The following SNX29 variants were observed in gnomAD, a reference collection of about 807,000 sequenced individuals.
The protein encoded by SNX29 is sorting nexin 29.
Under a neutral mutation model 102.1 loss-of-function variants are expected in SNX29, and 78 were observed. That is an observed-to-expected ratio of 0.76 (90% CI 0.64 to 0.92). The LOEUF (loss-of-function observed/expected upper bound fraction) is 0.92. Ranked by LOEUF, SNX29 falls within the 40% of genes least tolerant of loss-of-function variation. SNX29 has a pLI of 0.00. For synonymous variants in SNX29, 580 were observed against 414.5 expected (o/e 1.40, Z -4.85); for missense variants, 1,280 against 1,061.7 (o/e 1.21, Z -2.86).
At chr16:12,199,915 A>AT (rs1256048883) in intron 14 of SNX29, among the ~76,000 whole-genome samples, 1 of 152,214 alleles carries the variant, frequency 6.6e-6, no homozygotes, top group Non-Finnish European at 1.5e-5. Flanking sequence ...CAACAGTCTT[A>AT]TTGGTTTGTG....
chr16:12,467,994 C>T (rs1050871125), intron 18 of SNX29, among the ~76,000 whole-genome samples: 1 of 152,008 alleles, frequency 6.6e-6, no homozygotes, highest in South Asian at 2.1e-4. Context: ...CCTCTAACAT[C>T]CCGGACCGGG....
intron 15 of SNX29, among the ~76,000 whole-genome samples, chr16:12,284,792 T>C (rs2079541441): frequency 6.6e-6 from 1 of 151,706 alleles, no homozygotes; most frequent in Non-Finnish European, 1.5e-5. Context: ...TGGCACAATC[T>C]CAGCTCACTG....
intron 19 of SNX29, chr16:12,515,674 T>G: frequency 2.1e-6 from 1 of 478,368 alleles, no homozygotes; most frequent in Non-Finnish European, 4.2e-6. Context: ...CAGCACTCTT[T>G]ATGATGTATT....
intron 14 of SNX29, among the ~76,000 whole-genome samples, chr16:12,217,681 TC>T (rs1400446173): frequency 5.3e-5 from 8 of 152,294 alleles, no homozygotes; most frequent in African/African-American, 1.7e-4. Context: ...TCTAGGGTGT[TC>T]TTGGAGCATG....
At chr16:12,334,576 C>G (rs1288503825) in intron 15 of SNX29, among the ~76,000 whole-genome samples, 1 of 152,198 alleles carries the variant, frequency 6.6e-6, no homozygotes, top group Non-Finnish European at 1.5e-5. Context: ...AGATAAGAAT[C>G]TGGCATCCTG....
intron 15 of SNX29, 53 bp downstream of exon 15, chr16:12,278,089 G>A: frequency 6.7e-7 from 1 of 1,490,342 alleles, no homozygotes; most frequent in Non-Finnish European, 9.2e-7. Context: ...CTGCGTTGGA[G>A]ACTTTCCAGG....
rs146973543 is a variant in SNX29 at position 12,288,917 on chromosome 16, C to A, written c.1782+10881C>A. Among the ~76,000 whole-genome samples the A allele has an allele frequency of 5.5e-3, 836 of 152,292 alleles. 5 individuals carry two copies. Among genetic ancestry groups the A allele is most frequent in the Middle Eastern group, 0.01 (3 of 294 alleles). ...CCTGACTGACCCCAGAGTTGGTACTCTTCCCATCGCCCTCTGTGGCCTTCT... is the reference window on the plus strand; with the variant it reads ...CCTGACTGACCCCAGAGTTGGTACTATTCCCATCGCCCTCTGTGGCCTTCT... On this transcript the variant is annotated intron_variant, in intron 15 of 20. Transcript: ENST00000566228.
chr16:12,161,371 G>T (rs1350230594), intron 13 of SNX29, among the ~76,000 whole-genome samples: 2 of 152,302 alleles, frequency 1.3e-5, no homozygotes, highest in Admixed American at 1.3e-4. Flanking sequence ...GGCCCATGTG[G>T]TCACTGGGAA....
chr16:12,536,664 A>G (rs1244973994), intron 20 of SNX29, among the ~76,000 whole-genome samples: 1 of 152,162 alleles, frequency 6.6e-6, no homozygotes, highest in African/African-American at 2.4e-5. Context: ...CCTTAGATCC[A>G]GGGAAGAGCT....
chr16:12,028,579 G>C (rs1304381987), intron 4 of SNX29, among the ~76,000 whole-genome samples: 2 of 151,968 alleles, frequency 1.3e-5, no homozygotes, highest in African/African-American at 2.4e-5. Flanking sequence ...GGCCAGGCTG[G>C]TCTCAAACTC....
chr16:12,235,362 C>T (rs935103346), intron 14 of SNX29, among the ~76,000 whole-genome samples: 1 of 152,116 alleles, frequency 6.6e-6, no homozygotes, highest in Non-Finnish European at 1.5e-5. Context: ...ATGAGGCTGT[C>T]CCCTGGGCCT....
At chr16:12,266,251 C>A (rs544834376) in intron 14 of SNX29, among the ~76,000 whole-genome samples, 1 of 152,204 alleles carries the variant, frequency 6.6e-6, no homozygotes, top group Non-Finnish European at 1.5e-5. Flanking sequence ...TTTATACTCA[C>A]ACCGCTCTCA....
At chr16:12,056,411 AC>A (rs2050524185) in intron 8 of SNX29, among the ~76,000 whole-genome samples, 1 of 152,082 alleles carries the variant, frequency 6.6e-6, no homozygotes, top group Non-Finnish European at 1.5e-5. Flanking sequence ...ATCTTGACTG[AC>A]CCTTCCACAG....
intron 14 of SNX29, among the ~76,000 whole-genome samples, chr16:12,214,105 C>T (rs1289769936): frequency 2.6e-5 from 4 of 150,950 alleles, no homozygotes; most frequent in African/African-American, 7.3e-5. Context: ...TAAGGGGTAA[C>T]GTTTTATTTG....
intron 6 of SNX29, 93 bp from the exon 7 acceptor site, chr16:12,048,279 C>T: frequency 2.5e-6 from 4 of 1,582,382 alleles, no homozygotes; most frequent in Non-Finnish European, 2.6e-6. Flanking sequence ...CGTGCCTCCT[C>T]TTCTGTACTC....
chr16:12,558,258 C>G (rs1189926583), intron 20 of SNX29, among the ~76,000 whole-genome samples: 2 of 152,048 alleles, frequency 1.3e-5, no homozygotes, highest in Admixed American at 1.3e-4. Context: ...TATCTGAGGT[C>G]TTCTGAAATG....
intron 14 of SNX29, among the ~76,000 whole-genome samples, chr16:12,214,304 A>G (rs1004362642): frequency 3.3e-5 from 5 of 152,258 alleles, no homozygotes; most frequent in African/African-American, 9.6e-5. Flanking sequence ...GAAGGAGGCC[A>G]GACGTATATT....
chr16:12,142,645 A>G lies in SNX29; in HGVS notation c.1595+12887A>G, dbSNP rs1020050373. 3.1e-4 allele frequency among the ~76,000 whole-genome samples: 47 copies of G among 151,968 alleles called. 1 individual carries two copies. Among genetic ancestry groups the G allele is most frequent in the Admixed American group, 2.9e-3 (45 of 15,270 alleles). On this transcript the variant is annotated intron_variant, in intron 13 of 20. Transcript: ENST00000566228. ...AGTGGGGCGATCTCAGATCACTGCA[A>G]CCTCTGCCTCCCGGGTTCAAGCGAT... is the stretch of plus-strand genomic sequence containing the variant.
Position 12,206,950 on chromosome 16 carries a change from G to A in SNX29, c.1678+7267G>A, listed in dbSNP as rs570541414. Reference sequence around the variant, plus strand: ...CAGGGTCAGCAAATATGCTACAAATGTGCTGACACTCTCTGATTCTTGGCC... The same window carrying A: ...CAGGGTCAGCAAATATGCTACAAATATGCTGACACTCTCTGATTCTTGGCC... On this transcript the variant is annotated intron_variant, in intron 14 of 20. Transcript: ENST00000566228. Among the ~76,000 whole-genome samples the A allele has an allele frequency of 5.0e-4, 76 of 151,258 alleles. 1 individual carries two copies. Among genetic ancestry groups the A allele is most frequent in the African/African-American group, 1.8e-3 (74 of 41,310 alleles).
Sources: allele counts gnomAD v4.1 joint callset (sites outside exome capture counted in the v4.1 genomes callset), GRCh38; gene constraint gnomAD v4.1.1; transcripts MANE v1.5; gene names NCBI Gene and HGNC (gene_info 2026-07-23, HGNC 2026-07-21).